The following ATRNL1 variants were observed in gnomAD, a reference collection of about 807,000 sequenced individuals.
ATRNL1 encodes the protein attractin like 1, also known as attractin-like protein 1.
Under a neutral mutation model 182.7 loss-of-function variants are expected in ATRNL1, and 95 were observed. The ratio of observed to expected loss-of-function variants is 0.52; its 90% CI spans 0.44 to 0.62. The LOEUF (loss-of-function observed/expected upper bound fraction) is 0.62, where lower values mean the gene tolerates loss of function less well. ATRNL1 is among the 20% of genes least tolerant of loss of function. The pLI, the probability that ATRNL1 is intolerant of heterozygous loss-of-function variation, is 0.00. For missense variants in ATRNL1, 1,471 were observed against 1,679.5 expected, an observed-to-expected ratio of 0.88 and a Z score of 2.17; for synonymous variants, 576 against 568.3, an observed-to-expected ratio of 1.01 and a Z score of -0.19.
chr10:115,574,300 AT>A (rs560370683), intron 26 of ATRNL1, among the ~76,000 whole-genome samples: 29 of 151,008 alleles, frequency 1.9e-4, no homozygotes, highest in African/African-American at 7.0e-4. Context: ...GCAGATATAT[AT>A]ATCTACATAT....
intron 25 of ATRNL1, among the ~76,000 whole-genome samples, chr10:115,540,335 G>C (rs1308264246): frequency 6.6e-6 from 1 of 152,058 alleles, no homozygotes; most frequent in Non-Finnish European, 1.5e-5. Flanking sequence ...CACTTCAAAA[G>C]CTTTGGATGC....
chr10:115,800,287 C>T (rs1257748935), intron 27 of ATRNL1, among the ~76,000 whole-genome samples: 2 of 152,054 alleles, frequency 1.3e-5, no homozygotes, highest in East Asian at 3.9e-4. Flanking sequence ...AGAGCTGTGC[C>T]TTGTACAGCT....
intron 14 of ATRNL1, among the ~76,000 whole-genome samples, chr10:115,284,064 T>G (rs1554917833): frequency 6.6e-6 from 1 of 152,184 alleles, no homozygotes; most frequent in Non-Finnish European, 1.5e-5. Context: ...CCATGACAAT[T>G]GGTGTATTGC....
At chr10:115,668,448 A>C (rs1057235455) in intron 26 of ATRNL1, among the ~76,000 whole-genome samples, 1 of 152,148 alleles carries the variant, frequency 6.6e-6, no homozygotes, top group Non-Finnish European at 1.5e-5. Context: ...TCCTTTACCC[A>C]GTTAGCTTTA....
At chr10:115,530,385 G>A (rs574210397) in intron 25 of ATRNL1, among the ~76,000 whole-genome samples, 46 of 152,100 alleles carry the variant, frequency 3.0e-4, no homozygotes, top group African/African-American at 8.7e-4. Context: ...ACTAAAGTTT[G>A]TATTAACTGC....
intron 28 of ATRNL1, among the ~76,000 whole-genome samples, chr10:115,878,137 G>T (rs1188109587): frequency 1.3e-5 from 2 of 152,176 alleles, no homozygotes; most frequent in Non-Finnish European, 2.9e-5. Context: ...TTTACATATG[G>T]TTCTGATGTG....
chr10:115,098,828 A>G (rs531344898), intron 1 of ATRNL1, among the ~76,000 whole-genome samples: 1 of 152,228 alleles, frequency 6.6e-6, no homozygotes, highest in South Asian at 2.1e-4. Context: ...TACTGCCCTA[A>G]TAGCACTATT....
At position 115,134,949 on chromosome 10, in the gene ATRNL1, A is replaced by C. The variant is rs547805015; in HGVS notation, c.829+5414A>C. On this transcript the variant is annotated intron_variant, in intron 5 of 28. Coordinates refer to ENST00000355044, the MANE Select transcript of ATRNL1 (RefSeq NM_207303.4). ...AAGACAAAAACCACATGATTATCTC[A>C]ATAGATGCAGAAAAGGCCTTTGACA... Among the ~76,000 whole-genome samples the C allele has an allele frequency of 7.9e-4, 120 of 152,244 alleles. 2 individuals carry two copies. The South Asian group carries it at 0.024, about 31-fold the overall frequency.
chr10:115,188,354 C>CT (rs1474757850), intron 8 of ATRNL1, among the ~76,000 whole-genome samples: 1 of 152,050 alleles, frequency 6.6e-6, no homozygotes, highest in African/African-American at 2.4e-5. Context: ...TCAGTTTGTC[C>CT]TTTTTTGTTA....
intron 24 of ATRNL1, among the ~76,000 whole-genome samples, chr10:115,505,889 G>A (rs1180974955): frequency 6.6e-6 from 1 of 150,950 alleles, no homozygotes; most frequent in Non-Finnish European, 1.5e-5. Flanking sequence ...TGCTATTTCA[G>A]AAGTACCAAG....
At chr10:115,493,198 A>G (rs1849392876) in intron 24 of ATRNL1, among the ~76,000 whole-genome samples, 1 of 152,108 alleles carries the variant, frequency 6.6e-6, no homozygotes, top group Admixed American at 6.5e-5. Flanking sequence ...TGTGGTGTAC[A>G]GATTATTTCA....
At position 115,751,880 on chromosome 10, in the gene ATRNL1, T is replaced by C. The variant is rs116636434; in HGVS notation, c.3903+24525T>C. ...CAATAAAATGATAAACTAAAAAGTA[T>C]TATTTGGGTTTTCTTTTCTTTTTTA... On this transcript the variant is annotated intron_variant, in intron 27 of 28. Transcript: ENST00000355044. 2.7e-3 allele frequency among the ~76,000 whole-genome samples: 409 copies of C among 152,110 alleles called. 5 individuals are homozygous for C. Among genetic ancestry groups the C allele is most frequent in the African/African-American group, 9.4e-3 (392 of 41,532 alleles).
chr10:115,567,095 C>A (rs1478066071), intron 26 of ATRNL1, among the ~76,000 whole-genome samples: 3 of 152,108 alleles, frequency 2.0e-5, no homozygotes, highest in African/African-American at 7.2e-5. Context: ...AGCAAGGACC[C>A]AATACTGGGT....
chr10:115,814,541 G>C (rs1275334352), intron 27 of ATRNL1, among the ~76,000 whole-genome samples: 1 of 152,150 alleles, frequency 6.6e-6, no homozygotes, highest in Non-Finnish European at 1.5e-5. Context: ...GTGATAGTGA[G>C]TTACCAGTCC....
At chr10:115,630,186 T>A (rs1858390255) in intron 26 of ATRNL1, among the ~76,000 whole-genome samples, 1 of 151,954 alleles carries the variant, frequency 6.6e-6, no homozygotes, top group African/African-American at 2.4e-5. Flanking sequence ...GAAAAAAAAT[T>A]TAAAAATGGA....
intron 27 of ATRNL1, among the ~76,000 whole-genome samples, chr10:115,729,498 T>TGTGTGTG (rs1185905113): frequency 2.0e-4 from 4 of 19,964 alleles, no homozygotes; most frequent in Admixed American, 2.4e-3. Context: ...CCCCATTTTG[T>TGTGTGTG]GTGTGTGTGT....
chr10:115,771,460 G>A (rs1326790328), intron 27 of ATRNL1, among the ~76,000 whole-genome samples: 3 of 152,060 alleles, frequency 2.0e-5, no homozygotes, highest in Non-Finnish European at 4.4e-5. Flanking sequence ...TCAATCTCCT[G>A]ACCTCGTGAT....
At chr10:115,560,139 T>A (rs1554998898) in intron 26 of ATRNL1, among the ~76,000 whole-genome samples, 2 of 152,066 alleles carry the variant, frequency 1.3e-5, no homozygotes, top group Admixed American at 6.6e-5. Flanking sequence ...CAAAATAGCA[T>A]CAATAAGAAT....
In ATRNL1 at chr10:115,149,006, G is replaced by A. The variant is rs117977855; in HGVS notation, c.830-11034G>A. Among the ~76,000 whole-genome samples the A allele has an allele frequency of 5.7e-4, 86 of 152,200 alleles. 1 individual carries two copies. In the East Asian group the frequency reaches 0.015, roughly 27 times the overall value. The stretch of plus-strand genomic sequence containing the variant: ...CTGCCTTGGGCTCCCAAAGTGCTGG[G>A]ATTAGAGGTGTCAGCCACTGTGCCT... On this transcript the variant is annotated intron_variant, in intron 5 of 28. Transcript: ENST00000355044.
Sources: gnomAD v4.1 joint callset for allele counts (sites outside exome capture counted in the v4.1 genomes callset) on GRCh38, gnomAD v4.1.1 for gene constraint, MANE v1.5 for transcripts, NCBI Gene and HGNC (gene_info 2026-07-23, HGNC 2026-07-21) for gene names.